C10orf90: variants seen among roughly 807,000 people sequenced by gnomAD.
The protein encoded by C10orf90 is chromosome 10 open reading frame 90, also known as (E2-independent) E3 ubiquitin-conjugating enzyme FATS.
Under a neutral mutation model 62.5 loss-of-function variants are expected in C10orf90, and 56 were observed. That is an observed-to-expected ratio of 0.90 (90% CI 0.72 to 1.12). The LOEUF is 1.12. C10orf90 is among the 50% of genes most tolerant of loss of function. The pLI is 0.00. For missense variants in C10orf90, 970 were observed against 880.4 expected (o/e 1.10, Z -1.29); for synonymous variants, 386 against 340.4 (o/e 1.13, Z -1.47).
intron 4 of C10orf90, 30 bp from the exon 5 acceptor site, chr10:126,465,016 A>G (rs1811069065): frequency 1.3e-6 from 2 of 1,586,124 alleles, no homozygotes; most frequent in Non-Finnish European, 1.7e-6. Context: ...TGTGCTCAAA[A>G]TCTCTTATGA....
chr10:126,619,005 A>T (rs1845595080), intron 2 of C10orf90, among the ~76,000 whole-genome samples: 1 of 152,046 alleles, frequency 6.6e-6, no homozygotes, highest in Non-Finnish European at 1.5e-5. Context: ...CATAAAAAAA[A>T]TGAGATCATG....
chr10:126,530,742 A>G (rs1379828723), intron 2 of C10orf90, among the ~76,000 whole-genome samples: 1 of 152,190 alleles, frequency 6.6e-6, no homozygotes, highest in East Asian at 1.9e-4. Context: ...CAAACTTTTC[A>G]GGAAGAAAAC....
chr10:126,443,831 A>G (rs1858562077), intron 7 of C10orf90, among the ~76,000 whole-genome samples: 1 of 152,160 alleles, frequency 6.6e-6, no homozygotes, highest in African/African-American at 2.4e-5. Flanking sequence ...CACTATGATC[A>G]TGTGGGTTTC....
At chr10:126,522,178 C>A (rs539464152) in intron 2 of C10orf90, among the ~76,000 whole-genome samples, 156 of 152,292 alleles carry the variant, frequency 1.0e-3, no homozygotes, top group African/African-American at 3.6e-3. Context: ...TGAGACAGGA[C>A]AATCGCTTGA....
chr10:126,507,356 C>CAA (rs1204374185), intron 3 of C10orf90, among the ~76,000 whole-genome samples: 3,454 of 68,704 alleles, frequency 0.05, 220 homozygotes, highest in African/African-American at 0.13. Context: ...GACTCCATCT[C>CAA]AAAAAAAAAA....
At chr10:126,570,621 C>G (rs1338349247) in intron 2 of C10orf90, among the ~76,000 whole-genome samples, 1 of 152,112 alleles carries the variant, frequency 6.6e-6, no homozygotes, top group Admixed American at 6.5e-5. Flanking sequence ...GTTTTTTGAG[C>G]CATTGTAAAA....
intron 4 of C10orf90, among the ~76,000 whole-genome samples, chr10:126,478,111 G>C (rs1860987656): frequency 6.6e-6 from 1 of 152,060 alleles, no homozygotes; most frequent in Non-Finnish European, 1.5e-5. Context: ...TGGGATCCTT[G>C]GAATAAATAA....
chr10:126,599,250 A>C (rs1007387492), intron 2 of C10orf90, among the ~76,000 whole-genome samples: 1 of 130,560 alleles, frequency 7.7e-6, no homozygotes, highest in Non-Finnish European at 1.6e-5. Context: ...AGTGGCGGGG[A>C]TCTCAGCTTA....
chr10:126,454,235 G>C (rs1859387813), intron 7 of C10orf90, among the ~76,000 whole-genome samples: 1 of 151,900 alleles, frequency 6.6e-6, no homozygotes, highest in Non-Finnish European at 1.5e-5. Context: ...TGACCTGCAG[G>C]GCTTGTACCC....
At chr10:126,582,838 T>C (rs533396619) in intron 2 of C10orf90, among the ~76,000 whole-genome samples, 1 of 152,354 alleles carries the variant, frequency 6.6e-6, no homozygotes, top group Non-Finnish European at 1.5e-5. Context: ...GTTGAACCAC[T>C]TACAACTTGA....
At chr10:126,610,503 T>G (rs923955169) in intron 2 of C10orf90, among the ~76,000 whole-genome samples, 12 of 152,198 alleles carry the variant, frequency 7.9e-5, no homozygotes, top group African/African-American at 2.9e-4. Context: ...CTCCAACTAA[T>G]GGACTACCAT....
intron 2 of C10orf90, among the ~76,000 whole-genome samples, chr10:126,574,622 T>G (rs1321226973): frequency 6.6e-6 from 1 of 151,960 alleles, no homozygotes; most frequent in Non-Finnish European, 1.5e-5. Context: ...AATAAATCAA[T>G]CAATGCAATA....
At chr10:126,469,487 G>A (rs982574114) in intron 4 of C10orf90, among the ~76,000 whole-genome samples, 4 of 152,118 alleles carry the variant, frequency 2.6e-5, no homozygotes, top group Non-Finnish European at 4.4e-5. Flanking sequence ...GGGCGGTGAC[G>A]TTTTCTCCCT....
At chr10:126,631,132 A>T (rs957760096) in intron 2 of C10orf90, among the ~76,000 whole-genome samples, 1 of 152,198 alleles carries the variant, frequency 6.6e-6, no homozygotes, top group African/African-American at 2.4e-5. Context: ...CTGTTCCAGC[A>T]TGCACAACAG....
At chr10:126,564,899 TATATAAA>T in intron 2 of C10orf90, among the ~76,000 whole-genome samples, 2 of 18,700 alleles carry the variant, frequency 1.1e-4, no homozygotes, top group African/African-American at 5.6e-4. Flanking sequence ...TTATATATAA[TATATAAA>T]ATATATATTA....
intron 2 of C10orf90, among the ~76,000 whole-genome samples, chr10:126,621,407 T>C (rs1845641718): frequency 6.6e-6 from 1 of 152,224 alleles, no homozygotes; most frequent in Non-Finnish European, 1.5e-5. Context: ...GTTATTTGCT[T>C]TTTATTCGAA....
chr10:126,431,988 G>A (rs1285796968), intron 7 of C10orf90, among the ~76,000 whole-genome samples: 1 of 152,182 alleles, frequency 6.6e-6, no homozygotes, highest in Non-Finnish European at 1.5e-5. Flanking sequence ...TGCAAAACAA[G>A]CAGGACTGTG....
chr10:126,547,156 A>T (rs995145309), intron 2 of C10orf90, among the ~76,000 whole-genome samples: 2 of 151,952 alleles, frequency 1.3e-5, no homozygotes, highest in Admixed American at 1.3e-4. Flanking sequence ...GTTGTGGCTC[A>T]CGCCTGTAAT....
intron 3 of C10orf90, among the ~76,000 whole-genome samples, chr10:126,513,094 T>G (rs1293381149): frequency 1.3e-5 from 2 of 152,234 alleles, no homozygotes; most frequent in East Asian, 1.9e-4. Flanking sequence ...AGATAGCAGA[T>G]GCCTTGTAAA....
Sources: allele counts gnomAD v4.1 joint callset (sites outside exome capture counted in the v4.1 genomes callset), GRCh38; gene constraint gnomAD v4.1.1; transcripts MANE v1.5; gene names NCBI Gene and HGNC (gene_info 2026-07-23, HGNC 2026-07-21).